The following METTL2B variants were observed in gnomAD, a reference collection of about 807,000 sequenced individuals.
METTL2B encodes tRNA N(3)-cytidine methyltransferase METTL2B.
In METTL2B, 28 loss-of-function variants were observed where a neutral mutation model predicts 51.0. That is an observed-to-expected ratio of 0.55 (90% CI 0.41 to 0.75). METTL2B has a LOEUF of 0.75. Among genes scored for constraint, METTL2B ranks in the 30% least tolerant of loss-of-function variants. The probability of loss-of-function intolerance (pLI) is 0.00; values close to 1 mark genes in which losing one functional copy is unlikely to be tolerated. For synonymous variants in METTL2B, 128 were observed against 166.3 expected (o/e 0.77, Z 1.77); for missense variants, 313 against 460.7 (o/e 0.68, Z 2.93).
chr7:128,505,766 A>C lies in METTL2B; in HGVS notation c.*3850A>C. On this transcript the variant is annotated 3_prime_UTR_variant, in exon 9 of 9. Transcript: ENST00000262432. ...CTGATTGGTTGGTATTTTGTACAGA[A>C]AAGCTTTCTCATATCTGATTTACTT... 6.6e-6 allele frequency: 1 copy of C among 152,112 alleles called. No individual in the cohort carries two copies. Among genetic ancestry groups the C allele is most frequent in the South Asian group, 2.1e-4 (1 of 4,820 alleles). The allele number at this position is 152,112 out of a possible 1,614,324, so 9.4% of individuals were successfully genotyped here.
chr7:128,491,251 G>A (rs1792824283), intron 5 of METTL2B, among the ~76,000 whole-genome samples: 1 of 151,738 alleles, frequency 6.6e-6, no homozygotes, highest in Non-Finnish European at 1.5e-5. Context: ...GAGGTCAGGA[G>A]TTCAAGACCA....
intron 4 of METTL2B, among the ~76,000 whole-genome samples, chr7:128,482,660 A>G (rs1417114752): frequency 1.3e-5 from 2 of 152,072 alleles, no homozygotes; most frequent in African/African-American, 4.8e-5. Context: ...CAGCCTCCCA[A>G]ATACCCGGGA....
At chr7:128,496,739 G>A (rs925938520) in intron 6 of METTL2B, among the ~76,000 whole-genome samples, 2 of 150,784 alleles carry the variant, frequency 1.3e-5, no homozygotes, top group African/African-American at 4.9e-5. Context: ...ACATAGCATA[G>A]CAGGACCCCA....
chr7:128,501,526 A>G (rs1285095665), intron 8 of METTL2B: 3 of 985,328 alleles, frequency 3.0e-6, no homozygotes, highest in Admixed American at 1.2e-4. Flanking sequence ...TAGAGCCTAA[A>G]GGCCAAATAT....
chr7:128,481,985 A>G (rs1210586118), intron 4 of METTL2B, among the ~76,000 whole-genome samples: 2 of 152,154 alleles, frequency 1.3e-5, no homozygotes, highest in East Asian at 3.9e-4. Flanking sequence ...TTATGGGAAA[A>G]TTAATTTTAA....
chr7:128,494,360 A>G (rs1450375115), intron 6 of METTL2B, among the ~76,000 whole-genome samples: 2 of 152,208 alleles, frequency 1.3e-5, no homozygotes, highest in Non-Finnish European at 2.9e-5. Context: ...GATAGACACA[A>G]AGAAGCCACA....
chr7:128,494,050 T>G, intron 6 of METTL2B, 107 bp downstream of exon 6: 1 of 1,387,964 alleles, frequency 7.2e-7, no homozygotes, highest in Non-Finnish European at 9.8e-7. Flanking sequence ...TGGAGTGCAG[T>G]GGCACGATCA....
At chr7:128,497,160 A>G (rs1227314331) in intron 6 of METTL2B, among the ~76,000 whole-genome samples, 2 of 152,146 alleles carry the variant, frequency 1.3e-5, no homozygotes, top group African/African-American at 2.4e-5. Context: ...GAAAGCTTCA[A>G]CCTGCACCAA....
intron 7 of METTL2B, among the ~76,000 whole-genome samples, 174 bp downstream of exon 7, chr7:128,498,316 G>C (rs117145781): frequency 1.2e-4 from 18 of 150,420 alleles, no homozygotes; most frequent in African/African-American, 4.1e-4. Context: ...CGCGGGGTGG[G>C]GGGCATCACA....
intron 4 of METTL2B, among the ~76,000 whole-genome samples, 157 bp downstream of exon 4, chr7:128,480,853 A>G (rs1176813700): frequency 6.6e-6 from 1 of 152,254 alleles, no homozygotes; most frequent in African/African-American, 2.4e-5. Flanking sequence ...GTAGCAAGAA[A>G]AAAAAGTAAA....
Position 128,502,806 on chromosome 7 carries a change from G to A in METTL2B, c.*890G>A, listed in dbSNP as rs1363230737. 6.3e-6 allele frequency: 2 copies of A among 318,614 alleles called. No homozygotes were observed. The highest frequency in any genetic ancestry group is 1.2e-5 in the Non-Finnish European group (2 of 163,780). 19.7% of individuals were successfully genotyped at this position (318,614 alleles called of 1,614,324 possible). ...CCAGCTACTCGGGAGGCTGAGGCAG[G>A]AGAATCACTTGAACCCAGGAGGCAG... is the stretch of plus-strand genomic sequence containing the variant. On this transcript the variant is annotated 3_prime_UTR_variant, in exon 9 of 9. Transcript: ENST00000262432.
intron 5 of METTL2B, among the ~76,000 whole-genome samples, chr7:128,489,855 C>T (rs1447563628): frequency 6.6e-6 from 1 of 151,758 alleles, no homozygotes. Context: ...GTCTCGATCT[C>T]CTGACCTCGT....
intron 6 of METTL2B, among the ~76,000 whole-genome samples, chr7:128,496,690 G>A (rs1278365566): frequency 2.6e-5 from 4 of 152,162 alleles, no homozygotes; most frequent in Non-Finnish European, 5.9e-5. Context: ...GGAGACTGAG[G>A]CAGGAGGATC....
intron 5 of METTL2B, among the ~76,000 whole-genome samples, chr7:128,489,549 T>C (rs1221954499): frequency 3.3e-5 from 5 of 151,936 alleles, no homozygotes; most frequent in African/African-American, 1.2e-4. Flanking sequence ...GCCTTGATAT[T>C]GATGGCTGCT....
At chr7:128,491,273 A>G (rs1444187477) in intron 5 of METTL2B, among the ~76,000 whole-genome samples, 1 of 151,932 alleles carries the variant, frequency 6.6e-6, no homozygotes, top group Non-Finnish European at 1.5e-5. Flanking sequence ...CCTGGCCAAC[A>G]TGGTGAAACC....
chr7:128,493,512 C>T (rs946938423), intron 5 of METTL2B, among the ~76,000 whole-genome samples: 12 of 152,178 alleles, frequency 7.9e-5, no homozygotes, highest in African/African-American at 2.9e-4. Context: ...ACATCCTTGC[C>T]ATTACTTTCA....
chr7:128,477,082 G>A lies in METTL2B; in HGVS notation c.111G>A (p.Trp37Ter). 1 of 1,614,160 alleles carries A rather than the reference G, an allele frequency of 6.2e-7. No individual in the cohort carries two copies. The highest frequency in any genetic ancestry group is 8.5e-7 in the Non-Finnish European group (1 of 1,180,024). ...DPARVFHHNA[W>*]DNVEWSEEQA... The stretch of plus-strand genomic sequence containing the variant: ...TAAGCTGCCCGTTTGATTTTCTCAG[G>A]GACAATGTGGAGTGGTCGGAAGAGC... The change falls in exon 2 of 9, where the codon TGG becomes TGA. Residue 37 changes from tryptophan (W) to a stop codon, truncating the protein, a stop_gained and splice_region_variant. Transcript: ENST00000262432. LOFTEE classifies it high-confidence loss of function.
chr7:128,505,303 T>C lies in METTL2B; in HGVS notation c.*3387T>C, dbSNP rs1793106456. On this transcript the variant is annotated 3_prime_UTR_variant, in exon 9 of 9. Transcript: ENST00000262432. ...CAAAAAAAATGTAAAAAATAAATAATTGTATTGAATTTATTAGTTGTGTCT... is the reference window on the plus strand; with the variant it reads ...CAAAAAAAATGTAAAAAATAAATAACTGTATTGAATTTATTAGTTGTGTCT... The C allele has an allele frequency of 6.6e-6, 1 of 152,086 alleles. No individual in the cohort carries two copies. The highest frequency in any genetic ancestry group is 6.6e-5 in the Admixed American group (1 of 15,250). The allele number at this position is 152,086 out of a possible 1,614,324, so 9.4% of individuals were successfully genotyped here.
In METTL2B at chr7:128,483,618, C is replaced by T. The variant is rs184940730; in HGVS notation, c.608+2922C>T. ...GTGCAGTGATTCGATCTCGGCTAGC[C>T]GCAACCTCCGCCTCCCAGGTTCAAG... On this transcript the variant is annotated intron_variant, in intron 4 of 8. Transcript: ENST00000262432. Among the ~76,000 whole-genome samples the T allele has an allele frequency of 3.2e-4, 48 of 152,306 alleles. No individual in the cohort carries two copies. In the East Asian group the frequency reaches 6.2e-3, roughly 20 times the overall value.
Sources: allele counts gnomAD v4.1 joint callset (sites outside exome capture counted in the v4.1 genomes callset), GRCh38; gene constraint gnomAD v4.1.1; transcripts MANE v1.5; gene names NCBI Gene and HGNC (gene_info 2026-07-23, HGNC 2026-07-21).